The following DCTN1 variants were observed in gnomAD, a reference collection of about 807,000 sequenced individuals.
The protein encoded by DCTN1 is dynactin subunit 1.
DCTN1 carries 61 observed loss-of-function variants against 161.2 expected under a neutral mutation model. The observed-to-expected ratio is 0.38, with a 90% CI of 0.31 to 0.47. The LOEUF is 0.47. Ranked by LOEUF, DCTN1 falls within the 20% of genes least tolerant of loss-of-function variation. DCTN1 has a pLI of 0.99. For synonymous variants in DCTN1, 653 were observed against 632.4 expected, an observed-to-expected ratio of 1.03 and a Z score of -0.49; for missense variants, 1,404 against 1,623.7, an observed-to-expected ratio of 0.86 and a Z score of 2.33.
rs994169033 is a variant in DCTN1 at position 74,390,519 on chromosome 2, G to A, written c.-19+1275C>T. On this transcript the variant is annotated intron_variant, in intron 1 of 27. Coordinates refer to the DCTN1 transcript ENST00000409240. ...GAATTCAACACTACAGGGATAACTC[G>A]ACTAGACTCACAGAATTTTAAATCT... The A allele has an allele frequency of 1.1e-5, 4 of 364,388 alleles. No homozygotes were observed. In the East Asian group the frequency reaches 2.3e-4, roughly 21 times the overall value. The allele number at this position is 364,388 out of a possible 1,614,324, so 22.6% of individuals were successfully genotyped here. A position where few individuals can be genotyped will look rare whatever the true frequency, so the allele number is the denominator to read the frequency against.
In DCTN1 at chr2:74,365,591, T is replaced by G. The variant is rs777047747; in HGVS notation, c.2953A>C (p.Lys985Gln). 6.2e-7 allele frequency: 1 copy of G among 1,614,140 alleles called. No homozygotes were observed. Among genetic ancestry groups the G allele is most frequent in the East Asian group, 2.2e-5 (1 of 44,888 alleles). ...TTCTCGATGCGCTCATCTGCATCCT[T>G]GGCAGCACTGTCCAACTTCTTCTCC... Reference protein sequence around the residue: ...LLEKKLDSAAKDADERIEKVQ... With the variant: ...LLEKKLDSAAQDADERIEKVQ... The change falls in exon 25 of 32, where the codon AAG (lysine) becomes CAG (glutamine). Residue 985 changes from lysine (K) to glutamine (Q), a missense_variant. Physicochemically the swap from Lys to Gln is moderately conservative, Grantham distance 53. Transcript: ENST00000628224.
chr2:74,377,592 A>G, intron 3 of DCTN1, 56 bp downstream of exon 3: 2 of 1,540,794 alleles, frequency 1.3e-6, no homozygotes, highest in Middle Eastern at 1.7e-4. Flanking sequence ...TATGAGGAGA[A>G]GTCCTGGGGA....
rs1573162256 is a variant in DCTN1, at chr2:74,370,276, G to A, written c.1197C>T (p.Asn399=). ...GTTGCCTCACAACTTCCAGCTCTTGGTTCTTCTTTTCCATGAGCTTCTGGA... is the reference window on the plus strand; with the variant it reads ...GTTGCCTCACAACTTCCAGCTCTTGATTCTTCTTTTCCATGAGCTTCTGGA... The part of the protein sequence containing the change: ...VKLQKLMEKK[N]QELEVVRQQR... The change falls in exon 12 of 32, where the codon AAC becomes AAT. Residue 399 remains asparagine (N), a synonymous_variant. Coordinates refer to ENST00000628224, the MANE Select transcript of DCTN1 (RefSeq NM_004082.5). The surrounding 1 kb of genome is among the most constrained non-coding windows in gnomAD (Gnocchi z 4.4). 6.2e-7 allele frequency: 1 copy of A among 1,614,042 alleles called. No homozygotes were observed. Among genetic ancestry groups the A allele is most frequent in the Non-Finnish European group, 8.5e-7 (1 of 1,180,040 alleles).
chr2:74,382,969 G>T (rs1355737083), upstream of DCTN1, among the ~76,000 whole-genome samples: 1 of 151,732 alleles, frequency 6.6e-6, no homozygotes, highest in South Asian at 2.1e-4. Context: ...CAGCTACTCG[G>T]GAGGCTGAGG....
chr2:74,369,357 C>A lies in DCTN1; in HGVS notation c.1527G>T (p.Thr509=), dbSNP rs777762235. 5.6e-6 allele frequency: 9 copies of A among 1,614,170 alleles called. No homozygotes were observed. The East Asian group carries it at 2.0e-4, about 36-fold the overall frequency. The change falls in exon 14 of 32, where the codon ACG becomes ACT. Residue 509 remains threonine (T), a synonymous_variant. Transcript: ENST00000628224. This position sits in a 1 kb window ranked among gnomAD's most constrained non-coding sequence, Gnocchi z 4.9. The part of the protein sequence containing the change: ...AQKRVEAAQE[T]VADYQQTIKK... The stretch of plus-strand genomic sequence containing the variant: ...TGATGGTCTGCTGGTAGTCTGCAAC[C>A]GTCTCCTGGGCTGCCTCCACACGCT...
chr2:74,383,308 A>G (rs183330326), upstream of DCTN1, among the ~76,000 whole-genome samples: 138 of 152,332 alleles, frequency 9.1e-4, 2 homozygotes, highest in Middle Eastern at 3.4e-3. Flanking sequence ...TTATGATCCA[A>G]TAGCCAGTAA....
chr2:74,365,951 A>G lies in DCTN1; in HGVS notation c.2828T>C (p.Leu943Ser). ...AACTGTCTCTCGATCTTCGAGCTTC[A>G]AACCCAGGCCTTCAGCATCTGTGAT... is the stretch of plus-strand genomic sequence containing the variant. ...AEITDAEGLG[L>S]KLEDRETVIK... is the part of the protein sequence containing the mutation. The change falls in exon 24 of 32, where the codon TTG becomes TCG. Residue 943 changes from leucine to serine, a missense_variant. Transcript: ENST00000628224. 1.9e-6 allele frequency: 3 copies of G among 1,614,200 alleles called. No individual in the cohort carries two copies. Among genetic ancestry groups the G allele is most frequent in the Non-Finnish European group, 2.5e-6 (3 of 1,180,040 alleles).
Position 74,378,216 on chromosome 2 carries a change from C to T in DCTN1, c.63G>A (p.Glu21=). Residue 21 remains glutamate, a synonymous_variant, in exon 2 of 32, where the codon GAG becomes GAA. Coordinates refer to ENST00000628224, the MANE Select transcript of DCTN1 (RefSeq NM_004082.5). Reference sequence around the variant, plus strand: ...CCACCCGCAGAGGCCGGGCGCTTGCCTCCGCACTCATCCTGCTGCCGCTGG... The same window carrying T: ...CCACCCGCAGAGGCCGGGCGCTTGCTTCCGCACTCATCCTGCTGCCGCTGG... ...RTPSGSRMSA[E]ASARPLRVGS... 1 of 1,611,136 alleles carries T rather than the reference C, an allele frequency of 6.2e-7. No individual in the cohort carries two copies. The highest frequency in any genetic ancestry group is 8.5e-7 in the Non-Finnish European group (1 of 1,180,032).
Position 74,376,766 on chromosome 2 carries a change from C to T in DCTN1, c.394-4G>A. 6.2e-7 allele frequency: 1 copy of T among 1,603,946 alleles called. No homozygotes were observed. The highest frequency in any genetic ancestry group is 8.5e-7 in the Non-Finnish European group (1 of 1,175,278). On this transcript the variant is annotated splice_region_variant and splice_polypyrimidine_tract_variant and intron_variant, in intron 4 of 31. Coordinates refer to ENST00000628224, the MANE Select transcript of DCTN1 (RefSeq NM_004082.5). Reference sequence around the variant, plus strand: ...CCTTCTTAGGCTTCAGTCCCCGCTGCATGAGGAGTAGGAAAGGGCAGAGTT... The same window carrying T: ...CCTTCTTAGGCTTCAGTCCCCGCTGTATGAGGAGTAGGAAAGGGCAGAGTT...
intron 26 of DCTN1, 22 bp from the exon 27 acceptor site, chr2:74,363,650 G>C (rs1258189476): frequency 6.2e-7 from 1 of 1,613,300 alleles, no homozygotes; most frequent in Non-Finnish European, 8.5e-7. Context: ...ATAGCCCATG[G>C]GGGAGCAGGA....
At position 74,390,070 on chromosome 2, in the gene DCTN1, G is replaced by A. The variant is rs117413225; in HGVS notation, c.-19+1724C>T. ...CAGATGCAGTCCCATCTCTGCACCAGTGTCAACTGCTTAAGATACTTTTCT... is the reference window on the plus strand; with the variant it reads ...CAGATGCAGTCCCATCTCTGCACCAATGTCAACTGCTTAAGATACTTTTCT... On this transcript the variant is annotated intron_variant, in intron 1 of 27. Transcript: ENST00000409240. Among the ~76,000 whole-genome samples the A allele has an allele frequency of 1.3e-3, 193 of 152,264 alleles. 4 individuals are homozygous for A. In the East Asian group the frequency reaches 0.034, roughly 27 times the overall value.
upstream of DCTN1, chr2:74,383,674 G>C (rs887899067): frequency 6.6e-6 from 1 of 152,196 alleles, no homozygotes; most frequent in Non-Finnish European, 1.5e-5. Context: ...AAAAAGCCCT[G>C]AGAAGGCCTT....
At position 74,369,173 on chromosome 2, in the gene DCTN1, C is replaced by T. The variant is rs2103644312; in HGVS notation, c.1626G>A (p.Val542=). The T allele has an allele frequency of 6.2e-7, 1 of 1,614,252 alleles. No homozygotes were observed. Among genetic ancestry groups the T allele is most frequent in the Non-Finnish European group, 8.5e-7 (1 of 1,180,052 alleles). Residue 542 remains valine (V), a synonymous_variant, in exon 15 of 32, where the codon GTG becomes GTA. Transcript: ENST00000628224. The surrounding 1 kb of genome is among the most constrained non-coding windows in gnomAD (Gnocchi z 4.9). ...CTGGAGGTGGCTGCTGTTGCCTCTC[C>T]ACAGATGCTTCCTGCTGGTTTGTCA... ...RELTNQQEAS[V]ERQQQPPPET...
chr2:74,370,849 G>T lies in DCTN1; in HGVS notation c.844-24C>A. ...TCCTGAGGAAGAAGTGGAGGTGGGA[G>T]GGGGTACCAGCACAGAGATGCCCCA... On this transcript the variant is annotated intron_variant, in intron 9 of 31. Transcript: ENST00000628224. This position sits in a 1 kb window ranked among gnomAD's most constrained non-coding sequence, Gnocchi z 4.4. The T allele has an allele frequency of 6.2e-7, 1 of 1,614,080 alleles. No individual in the cohort carries two copies. Among genetic ancestry groups the T allele is most frequent in the Non-Finnish European group, 8.5e-7 (1 of 1,179,942 alleles).
chr2:74,361,430 T>C lies in DCTN1; in HGVS notation c.*69A>G. 6.2e-7 allele frequency: 1 copy of C among 1,608,840 alleles called. No individual in the cohort carries two copies. Among genetic ancestry groups the C allele is most frequent in the Non-Finnish European group, 8.5e-7 (1 of 1,177,766 alleles). ...GTTTCTACCTGGGGGCTGGCTGAGG[T>C]GGCTGTGCATCGGGCAGAGCGGCAC... On this transcript the variant is annotated 3_prime_UTR_variant, in exon 32 of 32. Coordinates refer to ENST00000628224, the MANE Select transcript of DCTN1 (RefSeq NM_004082.5).
chr2:74,369,640 C>T lies in DCTN1; in HGVS notation c.1393-149G>A. On this transcript the variant is annotated intron_variant, in intron 13 of 31. Coordinates refer to ENST00000628224, the MANE Select transcript of DCTN1 (RefSeq NM_004082.5). The surrounding 1 kb of genome is among the most constrained non-coding windows in gnomAD (Gnocchi z 4.9). ...TCATGCTGGCCAACATGGTGAAACC[C>T]CATCTCTACTAAAAATACAAAAATT... is the stretch of plus-strand genomic sequence containing the variant. 1.1e-6 allele frequency: 1 copy of T among 870,582 alleles called. No individual in the cohort carries two copies. Among genetic ancestry groups the T allele is most frequent in the Non-Finnish European group, 1.9e-6 (1 of 526,432 alleles). 53.9% of individuals were successfully genotyped at this position (870,582 alleles called of 1,614,324 possible).
At chr2:74,391,150 A>AC (rs1454587000) in intron 1 of DCTN1, 1 of 152,984 alleles carries the variant, frequency 6.5e-6, no homozygotes, top group Non-Finnish European at 1.5e-5. Context: ...GTCAATCTCT[A>AC]CCTCCTAGCT....
chr2:74,373,060 G>A (rs1674984090), intron 6 of DCTN1, 112 bp from the exon 7 acceptor site: 3 of 1,014,962 alleles, frequency 3.0e-6, no homozygotes, highest in Non-Finnish European at 4.6e-6. Context: ...ACAGGAATGG[G>A]GCTACAGTTA....
Position 74,362,157 on chromosome 2 carries a change from G to C in DCTN1, c.3610-16C>G. On this transcript the variant is annotated splice_polypyrimidine_tract_variant and intron_variant, in intron 30 of 31. Transcript: ENST00000628224. ...GGACCTCATCCTAGGGAAGGGGAGAGGAAGACAAGGGTTCATTTATGGGAC... is the reference window on the plus strand; with the variant it reads ...GGACCTCATCCTAGGGAAGGGGAGACGAAGACAAGGGTTCATTTATGGGAC... 6.2e-7 allele frequency: 1 copy of C among 1,611,372 alleles called. No homozygotes were observed. Among genetic ancestry groups the C allele is most frequent in the Non-Finnish European group, 8.5e-7 (1 of 1,177,830 alleles).
Sources: gnomAD v4.1 joint callset for allele counts (sites outside exome capture counted in the v4.1 genomes callset) on GRCh38, gnomAD v4.1.1 for gene constraint, Gnocchi (gnomAD v3.1) non-coding constraint, MANE v1.5 for transcripts, NCBI Gene and HGNC (gene_info 2026-07-23, HGNC 2026-07-21) for gene names.